The following TRPC7 variants were observed in gnomAD, a reference collection of about 807,000 sequenced individuals.
TRPC7 encodes the protein transient receptor potential cation channel subfamily C member 7, also known as short transient receptor potential channel 7.
Under a neutral mutation model 90.1 loss-of-function variants are expected in TRPC7, and 42 were observed. The observed-to-expected ratio is 0.47, with a 90% CI of 0.36 to 0.60. TRPC7 has a LOEUF of 0.60. Among genes scored for constraint, TRPC7 ranks in the 20% least tolerant of loss-of-function variants. The probability of loss-of-function intolerance (pLI) is 0.00; values close to 1 mark genes in which losing one functional copy is unlikely to be tolerated. For missense variants in TRPC7, 955 were observed against 1,112.3 expected (o/e 0.86, Z 2.01); for synonymous variants, 451 against 436.3 (o/e 1.03, Z -0.42).
intron 3 of TRPC7, among the ~76,000 whole-genome samples, chr5:136,284,051 T>C (rs1318985303): frequency 1.3e-5 from 2 of 152,220 alleles, no homozygotes; most frequent in Non-Finnish European, 1.5e-5. Context: ...AGGCTTCAGT[T>C]TGGACAACTT....
chr5:136,217,226 G>A (rs1327441928), intron 10 of TRPC7, among the ~76,000 whole-genome samples: 1 of 152,226 alleles, frequency 6.6e-6, no homozygotes, highest in Non-Finnish European at 1.5e-5. Flanking sequence ...AGGACCAAGA[G>A]GACAGAGGCA....
chr5:136,359,842 G>A (rs1244178450), intron 1 of TRPC7, among the ~76,000 whole-genome samples: 2 of 151,950 alleles, frequency 1.3e-5, no homozygotes, highest in Non-Finnish European at 2.9e-5. Context: ...CTTTTTCATG[G>A]AAGTACTCAG....
intron 2 of TRPC7, among the ~76,000 whole-genome samples, chr5:136,327,811 T>G (rs1395110583): frequency 6.6e-6 from 1 of 152,174 alleles, no homozygotes; most frequent in Non-Finnish European, 1.5e-5. Flanking sequence ...ACTTAGAAGT[T>G]GCATCTTGCC....
At chr5:136,356,432 T>C (rs1175887144) in intron 2 of TRPC7, among the ~76,000 whole-genome samples, 176 bp downstream of exon 2, 2 of 152,198 alleles carry the variant, frequency 1.3e-5, no homozygotes, top group Non-Finnish European at 2.9e-5. Context: ...GAGGGCTGCT[T>C]TTCCTCAGGC....
At chr5:136,310,823 A>G (rs1440580413) in intron 3 of TRPC7, among the ~76,000 whole-genome samples, 1 of 152,018 alleles carries the variant, frequency 6.6e-6, no homozygotes, top group African/African-American at 2.4e-5. Flanking sequence ...TAACTCTTTG[A>G]AGGTATGACT....
Position 136,357,017 on chromosome 5 carries a change from G to A in TRPC7, c.371C>T (p.Ala124Val), listed in dbSNP as rs1435658671. ...CGCGAAGGCCGGGTGGTTGAGGATG[G>A]CCTCCACGATGCGCACATAGCCCTT... The part of the protein sequence containing the change: ...ISKGYVRIVE[A>V]ILNHPAFAQG... The change falls in exon 2 of 12, where the codon GCC (alanine) becomes GTC (valine). Residue 124 changes from alanine (A) to valine (V), a missense_variant. By Grantham distance (64) the Ala-to-Val change is moderately conservative (BLOSUM62 0). Around this residue, in one of 4 missense-constraint regions of TRPC7, gnomAD observed 14 missense variants for 34.2 expected, o/e 0.41. Coordinates refer to ENST00000513104, the MANE Select transcript of TRPC7 (RefSeq NM_020389.3). 2 of 1,612,836 alleles carry A rather than the reference G, an allele frequency of 1.2e-6. No homozygotes were observed. The highest frequency in any genetic ancestry group is 1.6e-4 in the Middle Eastern group (1 of 6,062).
At position 136,263,407 on chromosome 5, in the gene TRPC7, C is replaced by G. The variant is rs72794982; in HGVS notation, c.1345+2813G>C. ...GCTCACAACTGTAACATGCGGAGTG[C>G]CCATCATTCAACCAAAAAATTACCA... is the stretch of plus-strand genomic sequence containing the variant. On this transcript the variant is annotated intron_variant, in intron 5 of 11. Coordinates refer to ENST00000513104, the MANE Select transcript of TRPC7 (RefSeq NM_020389.3). Among the ~76,000 whole-genome samples, 726 of 152,232 alleles carry G rather than the reference C, an allele frequency of 4.8e-3. 2 individuals carry two copies. The highest frequency in any genetic ancestry group is 8.6e-3 in the Non-Finnish European group (583 of 68,012).
intron 3 of TRPC7, among the ~76,000 whole-genome samples, chr5:136,308,674 C>A (rs1042697174): frequency 6.6e-6 from 1 of 152,200 alleles, no homozygotes; most frequent in African/African-American, 2.4e-5. Context: ...ATGGTCACTG[C>A]ACTAGGGAGA....
intron 4 of TRPC7, among the ~76,000 whole-genome samples, chr5:136,270,543 A>G (rs1757176779): frequency 6.6e-6 from 1 of 152,202 alleles, no homozygotes; most frequent in Non-Finnish European, 1.5e-5. Context: ...CCTGTTCGGG[A>G]TATCTCTTAT....
intron 3 of TRPC7, among the ~76,000 whole-genome samples, chr5:136,312,948 C>A (rs1758880222): frequency 6.8e-6 from 1 of 146,722 alleles, no homozygotes; most frequent in South Asian, 2.2e-4. Flanking sequence ...CATATTGTAT[C>A]CTTTATCTAT....
chr5:136,251,011 C>T (rs956501317), intron 6 of TRPC7, among the ~76,000 whole-genome samples: 4 of 151,738 alleles, frequency 2.6e-5, no homozygotes, highest in African/African-American at 9.7e-5. Context: ...CCTTTTTTGC[C>T]GGGCTATTTG....
Position 136,256,405 on chromosome 5 carries a change from T to C in TRPC7, c.1346-4523A>G, listed in dbSNP as rs116744347. ...AGATGAATATCTTCCTAATTTTCCT[T>C]AAGAACTTCAAAGCTGAATTCCCCC... On this transcript the variant is annotated intron_variant, in intron 5 of 11. Coordinates refer to ENST00000513104, the MANE Select transcript of TRPC7 (RefSeq NM_020389.3). Among the ~76,000 whole-genome samples, 700 of 152,268 alleles carry C rather than the reference T, an allele frequency of 4.6e-3. 7 individuals carry two copies. The highest frequency in any genetic ancestry group is 0.016 in the African/African-American group (671 of 41,536).
Position 136,305,669 on chromosome 5 carries a change from C to T in TRPC7, c.963+9928G>A, listed in dbSNP as rs527994221. On this transcript the variant is annotated intron_variant, in intron 3 of 11. Coordinates refer to ENST00000513104, the MANE Select transcript of TRPC7 (RefSeq NM_020389.3). ...CAGTCATTTCTTCCCTTCTGTCAGA[C>T]ATAATTCCTCAGTTTAGCCTTCCCA... Among the ~76,000 whole-genome samples the T allele has an allele frequency of 6.5e-3, 992 of 152,312 alleles. 7 individuals carry two copies. Among genetic ancestry groups the T allele is most frequent in the African/African-American group, 7.4e-3 (306 of 41,566 alleles).
intron 2 of TRPC7, among the ~76,000 whole-genome samples, chr5:136,341,087 G>A (rs1307074076): frequency 6.6e-6 from 1 of 152,140 alleles, no homozygotes; most frequent in Non-Finnish European, 1.5e-5. Flanking sequence ...AGTTTTCAGT[G>A]CCAGTGCTCT....
rs35662961 is a variant in TRPC7 at position 136,341,490 on chromosome 5, CA to C, written c.780+15117del. Among the ~76,000 whole-genome samples, 206 of 152,010 alleles carry C rather than the reference CA, an allele frequency of 1.4e-3. 1 individual carries two copies. The highest frequency in any genetic ancestry group is 4.4e-3 in the African/African-American group (183 of 41,440). On this transcript the variant is annotated intron_variant, in intron 2 of 11. Transcript: ENST00000513104. ...ACATATATATACACACACACACACA[CA>C]CCTATGTATAAATAAAAGATTTATG... is the stretch of plus-strand genomic sequence containing the variant.
chr5:136,349,320 A>T (rs1209990324), intron 2 of TRPC7, among the ~76,000 whole-genome samples: 1 of 152,106 alleles, frequency 6.6e-6, no homozygotes. Context: ...GTGCTGGAAA[A>T]ATCTGCTATG....
At chr5:136,229,787 A>C (rs1217171031) in intron 8 of TRPC7, among the ~76,000 whole-genome samples, 1 of 152,230 alleles carries the variant, frequency 6.6e-6, no homozygotes, top group African/African-American at 2.4e-5. Flanking sequence ...AGAAGTATAT[A>C]AACAATTGTT....
At chr5:136,291,080 G>C (rs1194327599) in intron 3 of TRPC7, among the ~76,000 whole-genome samples, 1 of 152,140 alleles carries the variant, frequency 6.6e-6, no homozygotes, top group South Asian at 2.1e-4. Context: ...CCTTTACAGA[G>C]AAGCAAATGC....
At chr5:136,334,931 G>C (rs1477812715) in intron 2 of TRPC7, among the ~76,000 whole-genome samples, 1 of 152,162 alleles carries the variant, frequency 6.6e-6, no homozygotes, top group Non-Finnish European at 1.5e-5. Flanking sequence ...CCCTTATCTT[G>C]TATATAGGTC....
Sources: allele counts gnomAD v4.1 joint callset (sites outside exome capture counted in the v4.1 genomes callset), GRCh38; gene constraint gnomAD v4.1.1; regional missense constraint gnomAD v4.1.1; transcripts MANE v1.5; gene names NCBI Gene and HGNC (gene_info 2026-07-23, HGNC 2026-07-21).